NELL1: variants seen among roughly 807,000 people sequenced by gnomAD.
NELL1 encodes neural EGFL like 1, also known as protein kinase C-binding protein NELL1.
NELL1 carries 76 observed loss-of-function variants against 107.4 expected under a neutral mutation model. That is an observed-to-expected ratio of 0.71 (90% CI 0.59 to 0.86). The LOEUF is 0.86. Among genes scored for constraint, NELL1 ranks in the 40% least tolerant of loss-of-function variants. The pLI, the probability that NELL1 is intolerant of heterozygous loss-of-function variation, is 0.00. For missense variants in NELL1, 1,024 were observed against 1,005.5 expected (o/e 1.02, Z -0.25); for synonymous variants, 353 against 341.2 (o/e 1.03, Z -0.38).
At chr11:20,693,829 G>T (rs1171802596) in intron 2 of NELL1, among the ~76,000 whole-genome samples, 4 of 151,978 alleles carry the variant, frequency 2.6e-5, no homozygotes, top group Non-Finnish European at 5.9e-5. Context: ...CTGAATGTTG[G>T]CCTGCCTTGC....
At chr11:20,871,033 G>A (rs1849185519) in intron 4 of NELL1, among the ~76,000 whole-genome samples, 1 of 152,204 alleles carries the variant, frequency 6.6e-6, no homozygotes, top group African/African-American at 2.4e-5. Context: ...GTAGACAGCA[G>A]CTGAGAGAAA....
chr11:21,464,008 G>T (rs746221059), intron 15 of NELL1, among the ~76,000 whole-genome samples: 1 of 151,974 alleles, frequency 6.6e-6, no homozygotes, highest in Non-Finnish European at 1.5e-5. Context: ...CATGTCATTT[G>T]GGCTTCCTCA....
At chr11:21,522,800 ATTTTCT>A (rs1564939222) in intron 15 of NELL1, among the ~76,000 whole-genome samples, 1 of 97,402 alleles carries the variant, frequency 1.0e-5, no homozygotes. Context: ...ATCTTTGCAC[ATTTTCT>A]TTATCTTGAA....
intron 13 of NELL1, among the ~76,000 whole-genome samples, chr11:21,171,449 A>G (rs1230060597): frequency 2.6e-5 from 4 of 151,768 alleles, no homozygotes; most frequent in Non-Finnish European, 5.9e-5. Context: ...TTTTTAACGA[A>G]ACTGTGATAG....
At chr11:21,574,834 A>T in intron 19 of NELL1, 138 bp from the exon 20 acceptor site, 1 of 680,380 alleles carries the variant, frequency 1.5e-6, no homozygotes, top group Non-Finnish European at 2.5e-6. Flanking sequence ...TTTTCCTAGC[A>T]TTTTTTTCTA....
intron 13 of NELL1, among the ~76,000 whole-genome samples, chr11:21,193,972 A>G (rs1167029711): frequency 6.6e-6 from 1 of 151,854 alleles, no homozygotes; most frequent in Non-Finnish European, 1.5e-5. Flanking sequence ...GATGTGGATC[A>G]TCCTTATTCC....
At chr11:21,323,897 G>A (rs1380814243) in intron 14 of NELL1, among the ~76,000 whole-genome samples, 1 of 152,096 alleles carries the variant, frequency 6.6e-6, no homozygotes, top group Non-Finnish European at 1.5e-5. Flanking sequence ...TATGTTGAAT[G>A]ATATTAGGTG....
chr11:20,814,267 TAC>T (rs1470488725), intron 3 of NELL1, among the ~76,000 whole-genome samples: 1 of 152,244 alleles, frequency 6.6e-6, no homozygotes, highest in Non-Finnish European at 1.5e-5. Flanking sequence ...GTGCTGGGAT[TAC>T]AGGCGTGAGC....
chr11:21,259,685 G>T (rs577840445), intron 14 of NELL1, among the ~76,000 whole-genome samples: 1 of 151,838 alleles, frequency 6.6e-6, no homozygotes, highest in South Asian at 2.1e-4. Flanking sequence ...AAAAGAAGAT[G>T]CAAAATACTA....
chr11:20,781,316 A>C (rs907037522), intron 2 of NELL1, among the ~76,000 whole-genome samples: 2 of 152,160 alleles, frequency 1.3e-5, no homozygotes, highest in African/African-American at 4.8e-5. Context: ...GAAAATTGAG[A>C]GTGGCGGGAA....
intron 2 of NELL1, among the ~76,000 whole-genome samples, chr11:20,721,450 C>CA (rs1167524924): frequency 4.6e-5 from 7 of 151,952 alleles, no homozygotes; most frequent in Admixed American, 4.6e-4. Flanking sequence ...CCCTGGGATT[C>CA]ATGCAACTGC....
chr11:20,892,799 C>T (rs752323031), intron 5 of NELL1, among the ~76,000 whole-genome samples: 20 of 152,008 alleles, frequency 1.3e-4, no homozygotes, highest in South Asian at 6.2e-4. Flanking sequence ...TGTGGCGGCA[C>T]GCGCCAGTAA....
At chr11:21,422,093 ATATGTGTGTG>A (rs1263215178) in intron 15 of NELL1, among the ~76,000 whole-genome samples, 2,795 of 90,714 alleles carry the variant, frequency 0.031, 60 homozygotes, top group African/African-American at 0.08. Flanking sequence ...ACATTTACAC[ATATGTGTGTG>A]TGTGTGTGTG....
chr11:20,774,256 A>ATCTAC (rs1012757600), intron 2 of NELL1, among the ~76,000 whole-genome samples: 1 of 57,972 alleles, frequency 1.7e-5, no homozygotes, highest in African/African-American at 7.0e-5. Context: ...CCCCTCTCCC[A>ATCTAC]TCTTCTCTTC....
chr11:21,254,306 G>T (rs1263136858), intron 14 of NELL1, among the ~76,000 whole-genome samples: 1 of 151,894 alleles, frequency 6.6e-6, no homozygotes, highest in East Asian at 1.9e-4. Context: ...GGTACCTGAA[G>T]AAAATATGAT....
intron 14 of NELL1, chr11:21,284,767 T>C (rs1466724686): frequency 5.8e-6 from 2 of 342,358 alleles, no homozygotes; most frequent in Non-Finnish European, 1.2e-5. Flanking sequence ...CCTACCGCCA[T>C]GCTGCTGGCA....
At chr11:21,313,998 C>A (rs1310745593) in intron 14 of NELL1, among the ~76,000 whole-genome samples, 5 of 24,276 alleles carry the variant, frequency 2.1e-4, no homozygotes, top group African/African-American at 9.9e-4. Flanking sequence ...CTCTGCCCCC[C>A]CCCCCCCCCC....
chr11:20,781,601 C>G (rs1049565392), intron 2 of NELL1, among the ~76,000 whole-genome samples: 1 of 152,090 alleles, frequency 6.6e-6, no homozygotes, highest in Non-Finnish European at 1.5e-5. Context: ...ATTCAGGCAT[C>G]TGCTACCAAT....
At chr11:21,249,319 T>A (rs1858577112) in intron 14 of NELL1, among the ~76,000 whole-genome samples, 1 of 152,182 alleles carries the variant, frequency 6.6e-6, no homozygotes, top group South Asian at 2.1e-4. Context: ...TAGGTTTGAC[T>A]ACAAAACCTA....
Sources: gnomAD v4.1 joint callset for allele counts (sites outside exome capture counted in the v4.1 genomes callset) on GRCh38, gnomAD v4.1.1 for gene constraint, MANE v1.5 for transcripts, NCBI Gene and HGNC (gene_info 2026-07-23, HGNC 2026-07-21) for gene names.